Variants in DNAH14 observed in about 807,000 individuals in gnomAD.
DNAH14 encodes the protein dynein axonemal heavy chain 14.
A neutral mutation model predicts 520.9 loss-of-function variants in DNAH14; 478 were observed. The observed-to-expected ratio is 0.92, with a 90% CI of 0.85 to 0.99. The LOEUF is 0.99. Among genes scored for constraint, DNAH14 ranks in the 50% least tolerant of loss-of-function variants. The pLI, the probability that DNAH14 is intolerant of heterozygous loss-of-function variation, is 0.00. For synonymous variants in DNAH14, 1,581 were observed against 1,757.2 expected (o/e 0.90, Z 2.51); for missense variants, 4,831 against 5,234.5 (o/e 0.92, Z 2.38).
chr1:225,262,872 GA>G (rs1229005001), intron 46 of DNAH14, among the ~76,000 whole-genome samples: 1 of 151,730 alleles, frequency 6.6e-6, no homozygotes, highest in African/African-American at 2.4e-5. Context: ...TTAACCCTGT[GA>G]AAAATGACAT....
intron 54 of DNAH14, among the ~76,000 whole-genome samples, chr1:225,282,405 T>A (rs12041072): frequency 0.13 from 20,139 of 152,210 alleles, 1,607 homozygotes; most frequent in South Asian, 0.22. Context: ...CCCATAGAGT[T>A]ATCAGAGCTT....
chr1:225,188,951 A>G (rs1239488308), intron 37 of DNAH14, among the ~76,000 whole-genome samples: 1 of 151,654 alleles, frequency 6.6e-6, no homozygotes, highest in Non-Finnish European at 1.5e-5. Flanking sequence ...CTTATTCTTG[A>G]TTTCAGTCTT....
intron 9 of DNAH14, among the ~76,000 whole-genome samples, chr1:225,004,481 G>T (rs906271150): frequency 6.6e-6 from 1 of 152,148 alleles, no homozygotes; most frequent in African/African-American, 2.4e-5. Context: ...TTTAAATAAA[G>T]AATATAAATG....
chr1:224,950,101 C>T (rs1475255847), intron 1 of DNAH14, among the ~76,000 whole-genome samples: 1 of 151,810 alleles, frequency 6.6e-6, no homozygotes, highest in Non-Finnish European at 1.5e-5. Flanking sequence ...TTTTTTAGTA[C>T]TTGCACTATT....
At chr1:225,338,649 G>A (rs1296880424) in intron 68 of DNAH14, among the ~76,000 whole-genome samples, 1 of 152,114 alleles carries the variant, frequency 6.6e-6, no homozygotes, top group Non-Finnish European at 1.5e-5. Flanking sequence ...AGGGACTCCA[G>A]GAAATCCACT....
In DNAH14 at chr1:225,007,407, A is replaced by C; in HGVS notation, c.976-6A>C. On this transcript the variant is annotated splice_region_variant and splice_polypyrimidine_tract_variant and intron_variant, in intron 9 of 85. Coordinates refer to ENST00000682510, the MANE Select transcript of DNAH14 (RefSeq NM_001367479.1). The stretch of plus-strand genomic sequence containing the variant: ...TAACACTGAACATTTACTATCATCT[A>C]ATTAGCTGGATAGTTCTCGAACATA... 6.6e-7 allele frequency: 1 copy of C among 1,514,964 alleles called. No homozygotes were observed. Among genetic ancestry groups the C allele is most frequent in the Non-Finnish European group, 8.9e-7 (1 of 1,129,444 alleles). The allele number at this position is 1,514,964 out of a possible 1,614,324, so 93.8% of individuals were successfully genotyped here. A position where few individuals can be genotyped will look rare whatever the true frequency, so the allele number is the denominator to read the frequency against.
At chr1:225,027,669 C>T (rs1478580748) in intron 11 of DNAH14, among the ~76,000 whole-genome samples, 1 of 152,004 alleles carries the variant, frequency 6.6e-6, no homozygotes, top group Non-Finnish European at 1.5e-5. Context: ...AACCAGGTCT[C>T]ATGAGAACTT....
intron 64 of DNAH14, among the ~76,000 whole-genome samples, chr1:225,329,306 C>A (rs966939164): frequency 6.6e-6 from 1 of 152,044 alleles, no homozygotes; most frequent in African/African-American, 2.4e-5. Context: ...AGTCAAATCC[C>A]AGAGACAAGA....
At chr1:225,314,500 GC>G (rs2094431879) in intron 60 of DNAH14, among the ~76,000 whole-genome samples, 1 of 152,000 alleles carries the variant, frequency 6.6e-6, no homozygotes, top group Non-Finnish European at 1.5e-5. Context: ...CAGTTTTTTT[GC>G]CCGTTAGTTG....
intron 11 of DNAH14, among the ~76,000 whole-genome samples, chr1:225,033,027 T>A (rs557133300): frequency 2.2e-4 from 34 of 152,328 alleles, no homozygotes; most frequent in Non-Finnish European, 4.1e-4. Flanking sequence ...TTATGTAGGT[T>A]GTCTGTTTAC....
At chr1:225,324,098 G>A (rs1358615843) in intron 62 of DNAH14, 124 bp from the exon 63 acceptor site, 5 of 1,241,548 alleles carry the variant, frequency 4.0e-6, no homozygotes, top group African/African-American at 3.0e-5. Context: ...TTATAGGCAT[G>A]AGCCGCCGCC....
intron 55 of DNAH14, among the ~76,000 whole-genome samples, chr1:225,297,279 T>G (rs995765973): frequency 1.3e-5 from 2 of 152,166 alleles, no homozygotes; most frequent in African/African-American, 4.8e-5. Flanking sequence ...CTTCCTGATT[T>G]TGTTGAGTTG....
chr1:225,347,423 A>G (rs1026915555), intron 71 of DNAH14, among the ~76,000 whole-genome samples: 14 of 152,142 alleles, frequency 9.2e-5, no homozygotes, highest in African/African-American at 2.7e-4. Context: ...TTGTGGTATA[A>G]TGTGGAACAA....
At chr1:225,335,199 A>G (rs181287338) in intron 66 of DNAH14, among the ~76,000 whole-genome samples, 4 of 143,830 alleles carry the variant, frequency 2.8e-5, no homozygotes, top group East Asian at 4.0e-4. Context: ...GTATATATGC[A>G]CACACGTACA....
chr1:225,178,389 G>C, intron 36 of DNAH14, among the ~76,000 whole-genome samples: 1 of 152,146 alleles, frequency 6.6e-6, no homozygotes, highest in African/African-American at 2.4e-5. Context: ...AGAAACCTCT[G>C]ATAAACCCAT....
chr1:225,118,851 C>G (rs1046467420), intron 25 of DNAH14, among the ~76,000 whole-genome samples: 2 of 145,870 alleles, frequency 1.4e-5, no homozygotes, highest in African/African-American at 2.7e-5. Flanking sequence ...CCATTGCACT[C>G]CAGCCTGGGT....
intron 10 of DNAH14, among the ~76,000 whole-genome samples, chr1:225,008,059 T>C (rs1572416978): frequency 6.6e-6 from 1 of 152,008 alleles, no homozygotes; most frequent in African/African-American, 2.4e-5. Flanking sequence ...TTTCTCCTAA[T>C]GCTATCCCTC....
intron 77 of DNAH14, among the ~76,000 whole-genome samples, chr1:225,373,991 G>A (rs2095653208): frequency 6.7e-6 from 1 of 149,072 alleles, no homozygotes; most frequent in Non-Finnish European, 1.5e-5. Context: ...GCCAGACAGG[G>A]AGGCTGAGGA....
intron 17 of DNAH14, among the ~76,000 whole-genome samples, chr1:225,073,654 T>G (rs1318478377): frequency 6.9e-6 from 1 of 144,762 alleles, no homozygotes; most frequent in Non-Finnish European, 1.5e-5. Context: ...TGTTGTTGTT[T>G]TCAGTTTTTT....
Sources: gnomAD v4.1 joint callset for allele counts (sites outside exome capture counted in the v4.1 genomes callset) on GRCh38, gnomAD v4.1.1 for gene constraint, MANE v1.5 for transcripts, NCBI Gene and HGNC (gene_info 2026-07-23, HGNC 2026-07-21) for gene names.